The following HNRNPA1L2 variants were observed in gnomAD, a reference collection of about 807,000 sequenced individuals.
HNRNPA1L2 encodes the protein heterogeneous nuclear ribonucleoprotein A1-like 2.
In HNRNPA1L2, 10 loss-of-function variants were observed where a neutral mutation model predicts 18.2. The ratio of observed to expected loss-of-function variants is 0.55; its 90% CI spans 0.34 to 0.93. The LOEUF (loss-of-function observed/expected upper bound fraction) is 0.93, where lower values mean the gene tolerates loss of function less well. HNRNPA1L2 is among the 40% of genes least tolerant of loss of function. The pLI is 0.02. For synonymous variants in HNRNPA1L2, 124 were observed against 138.6 expected, an observed-to-expected ratio of 0.89 and a Z score of 0.74; for missense variants, 308 against 394.4, an observed-to-expected ratio of 0.78 and a Z score of 1.85.
Position 52,643,163 on chromosome 13 carries a change from G to A in HNRNPA1L2, c.671G>A (p.Gly224Asp). The part of the protein sequence containing the change: ...DNFGRGGNFS[G>D]RGGFGGSCGG... ...TTTGGTCGTGGAGGAAACTTCAGTG[G>A]TCGTGGTGGCTTTGGTGGCAGCTGT... The change falls in exon 1 of 1, where the codon GGT (glycine) becomes GAT (aspartate). Residue 224 changes from glycine (G) to aspartate (D), a missense_variant. Transcript: ENST00000357495. The A allele has an allele frequency of 6.3e-7, 1 of 1,598,116 alleles. No individual in the cohort carries two copies. Among genetic ancestry groups the A allele is most frequent in the Non-Finnish European group, 8.5e-7 (1 of 1,179,822 alleles).
At chr13:52,624,490 C>T in the HNRNPA1L2 span, among the ~76,000 whole-genome samples, 1 of 152,116 alleles carries the variant, frequency 6.6e-6, no homozygotes, top group Non-Finnish European at 1.5e-5. Flanking sequence ...ATTGATTTTC[C>T]TAGGATATTT....
At chr13:52,638,457 T>G (rs997316471), upstream of HNRNPA1L2, among the ~76,000 whole-genome samples, 1 of 152,284 alleles carries the variant, frequency 6.6e-6, no homozygotes, top group Non-Finnish European at 1.5e-5. Context: ...CATCCTTCAT[T>G]TAACCATTTA....
chr13:52,617,824 A>G, the HNRNPA1L2 span: 3 of 387,588 alleles, frequency 7.7e-6, no homozygotes, highest in Admixed American at 1.4e-4. Context: ...AATCTGAGAA[A>G]AGAAAAATCC....
chr13:52,642,565 A>G lies in HNRNPA1L2; in HGVS notation c.73A>G (p.Thr25Ala). ...KLFIGGLSFE[T>A]TDESLRSHFE... ...CTTCATTGGAGGGTTGAGCTTTGAA[A>G]CAACTGATGAGAGCCTGAGGAGCCA... Residue 25 changes from threonine to alanine, a missense_variant, in exon 1 of 1, where the codon ACA (threonine) becomes GCA (alanine). By Grantham distance (58) the Thr-to-Ala change is moderately conservative. Coordinates refer to ENST00000357495, the MANE Select transcript of HNRNPA1L2 (RefSeq NM_001389320.1). 1.2e-6 allele frequency: 2 copies of G among 1,611,888 alleles called. No homozygotes were observed. The highest frequency in any genetic ancestry group is 2.2e-5 in the East Asian group (1 of 44,878).
chr13:52,635,836 T>G, the HNRNPA1L2 span, among the ~76,000 whole-genome samples: 1 of 150,912 alleles, frequency 6.6e-6, no homozygotes, highest in Admixed American at 6.6e-5. Context: ...TTACTGTTTT[T>G]TTTTTTTTTT....
chr13:52,631,718 A>G, the HNRNPA1L2 span, among the ~76,000 whole-genome samples: 1 of 152,232 alleles, frequency 6.6e-6, no homozygotes, highest in Non-Finnish European at 1.5e-5. Context: ...TTAGCCCTCC[A>G]GTTTATAAAC....
upstream of HNRNPA1L2, among the ~76,000 whole-genome samples, chr13:52,640,275 C>T (rs927792902): frequency 5.9e-5 from 9 of 152,210 alleles, no homozygotes; most frequent in Non-Finnish European, 1.0e-4. Context: ...TCTTTGGTTA[C>T]ACCCCATACC....
chr13:52,633,899 T>C, the HNRNPA1L2 span, among the ~76,000 whole-genome samples: 9,321 of 152,192 alleles, frequency 0.061, 329 homozygotes, highest in African/African-American at 0.095. Flanking sequence ...CAGTTATTTA[T>C]ATGAACTTCT....
the HNRNPA1L2 span, among the ~76,000 whole-genome samples, chr13:52,631,022 A>G: frequency 6.6e-6 from 1 of 152,126 alleles, no homozygotes; most frequent in Admixed American, 6.5e-5. Context: ...AAAAAGTAGG[A>G]AAGGGGTTCC....
At chr13:52,635,590 A>G in the HNRNPA1L2 span, among the ~76,000 whole-genome samples, 1 of 56,304 alleles carries the variant, frequency 1.8e-5, no homozygotes, top group Non-Finnish European at 5.1e-5. Context: ...ACACACACAC[A>G]CACACACACA....
the HNRNPA1L2 span, among the ~76,000 whole-genome samples, chr13:52,619,730 G>GT: frequency 6.6e-6 from 1 of 151,892 alleles, no homozygotes; most frequent in Non-Finnish European, 1.5e-5. Context: ...GACCATCCTG[G>GT]CTAACATGGT....
At chr13:52,621,447 A>G in the HNRNPA1L2 span, among the ~76,000 whole-genome samples, 1 of 152,160 alleles carries the variant, frequency 6.6e-6, no homozygotes, top group Non-Finnish European at 1.5e-5. Flanking sequence ...ATAACTTTTT[A>G]AAGAGGTGTT....
upstream of HNRNPA1L2, among the ~76,000 whole-genome samples, chr13:52,640,484 C>A (rs1483383301): frequency 6.6e-6 from 1 of 152,196 alleles, no homozygotes; most frequent in African/African-American, 2.4e-5. Context: ...ACTAGGTAAT[C>A]TTAATGTACA....
At chr13:52,637,755 AC>A (rs1169631240), upstream of HNRNPA1L2, among the ~76,000 whole-genome samples, 1 of 152,212 alleles carries the variant, frequency 6.6e-6, no homozygotes, top group Admixed American at 6.5e-5. Flanking sequence ...CTTCGACAGT[AC>A]TATCATTCTG....
the HNRNPA1L2 span, among the ~76,000 whole-genome samples, chr13:52,624,526 C>G: frequency 1.3e-5 from 2 of 152,224 alleles, no homozygotes; most frequent in Non-Finnish European, 2.9e-5. Flanking sequence ...ACTTCTGAGA[C>G]ACCGTCTTAA....
the HNRNPA1L2 span, among the ~76,000 whole-genome samples, chr13:52,636,548 AGAGG>A: frequency 1.3e-5 from 2 of 152,244 alleles, no homozygotes; most frequent in Non-Finnish European, 1.5e-5. Flanking sequence ...ATTTAAGCAC[AGAGG>A]AAGTACTCAA....
chr13:52,635,803 T>A, the HNRNPA1L2 span, among the ~76,000 whole-genome samples: 1 of 151,880 alleles, frequency 6.6e-6, no homozygotes, highest in African/African-American at 2.4e-5. Flanking sequence ...TATTACTGAA[T>A]AGTATACAGT....
the HNRNPA1L2 span, among the ~76,000 whole-genome samples, chr13:52,628,471 A>G: frequency 6.6e-6 from 1 of 152,162 alleles, no homozygotes; most frequent in African/African-American, 2.4e-5. Context: ...AAAAAAAAGA[A>G]AACCATAAAT....
the HNRNPA1L2 span, among the ~76,000 whole-genome samples, chr13:52,626,915 A>C: frequency 6.6e-6 from 1 of 152,132 alleles, no homozygotes; most frequent in Non-Finnish European, 1.5e-5. Context: ...ACTTGACAGC[A>C]ATGGAATCAT....
Sources: allele counts gnomAD v4.1 joint callset (sites outside exome capture counted in the v4.1 genomes callset), GRCh38; gene constraint gnomAD v4.1.1; transcripts MANE v1.5; gene names NCBI Gene and HGNC (gene_info 2026-07-23, HGNC 2026-07-21).